The following RGL1 variants were observed in gnomAD, a reference collection of about 807,000 sequenced individuals.
RGL1 encodes ral guanine nucleotide dissociation stimulator-like 1.
Under a neutral mutation model 95.2 loss-of-function variants are expected in RGL1, and 24 were observed. The observed-to-expected ratio is 0.25, with a 90% CI of 0.18 to 0.35. The LOEUF is 0.35. RGL1 is among the 10% of genes least tolerant of loss of function. The pLI, the probability that RGL1 is intolerant of heterozygous loss-of-function variation, is 1.00. For synonymous variants in RGL1, 329 were observed against 344.9 expected, an observed-to-expected ratio of 0.95 and a Z score of 0.51; for missense variants, 715 against 936.3, an observed-to-expected ratio of 0.76 and a Z score of 3.08.
At chr1:183,909,655 T>C (rs754645668) in intron 14 of RGL1, among the ~76,000 whole-genome samples, 12 of 152,184 alleles carry the variant, frequency 7.9e-5, no homozygotes, top group Non-Finnish European at 1.8e-4. Context: ...AGCAAAAATA[T>C]GCTTGAGCTC....
At chr1:183,668,503 A>C (rs771769077) in intron 1 of RGL1, among the ~76,000 whole-genome samples, 3 of 151,934 alleles carry the variant, frequency 2.0e-5, no homozygotes, top group Non-Finnish European at 4.4e-5. Context: ...GTGTCTCCCT[A>C]TATTGCCCAG....
At chr1:183,703,845 G>T (rs1464911406) in intron 1 of RGL1, among the ~76,000 whole-genome samples, 2 of 152,164 alleles carry the variant, frequency 1.3e-5, no homozygotes, top group African/African-American at 4.8e-5. Context: ...AGATAGAGCA[G>T]GACTGGGTGA....
chr1:183,665,075 T>C (rs12023865), intron 1 of RGL1, among the ~76,000 whole-genome samples: 10,449 of 152,140 alleles, frequency 0.069, 622 homozygotes, highest in African/African-American at 0.16. Context: ...AGAGAGTTTT[T>C]GTATTTAAAA....
intron 2 of RGL1, among the ~76,000 whole-genome samples, chr1:183,779,217 T>A (rs926998442): frequency 2.3e-5 from 3 of 130,992 alleles, no homozygotes; most frequent in African/African-American, 8.9e-5. Flanking sequence ...CCTTCCTTCC[T>A]TCCTTCCTTC....
chr1:183,896,312 A>C (rs544559499), intron 9 of RGL1, among the ~76,000 whole-genome samples: 40 of 152,202 alleles, frequency 2.6e-4, no homozygotes, highest in Non-Finnish European at 4.6e-4. Context: ...CAGCCTTCTG[A>C]GTAGCTAGGA....
intron 1 of RGL1, among the ~76,000 whole-genome samples, chr1:183,706,790 C>G (rs1654942323): frequency 3.3e-5 from 5 of 152,216 alleles, no homozygotes; most frequent in Admixed American, 3.3e-4. Context: ...TTACTTTTCT[C>G]ATCACGATTG....
intron 1 of RGL1, among the ~76,000 whole-genome samples, chr1:183,639,642 A>C (rs558275826): frequency 2.4e-4 from 36 of 151,932 alleles, no homozygotes; most frequent in African/African-American, 8.5e-4. Flanking sequence ...TTACACATTA[A>C]AGTGGAATAG....
chr1:183,727,093 T>G lies in RGL1; in HGVS notation c.-32-15033T>G, dbSNP rs373915088. On this transcript the variant is annotated intron_variant, in intron 1 of 18. Coordinates refer to the RGL1 transcript ENST00000304685. ...TACAGAATAAAATTACTTATGAACA[T>G]GGACCAACAATCTTCAACAAAAGAT... 3.6e-4 allele frequency among the ~76,000 whole-genome samples: 55 copies of G among 152,276 alleles called. 2 individuals carry two copies. The South Asian group carries it at 0.011, about 31-fold the overall frequency.
chr1:183,800,867 T>C (rs185647870), upstream of RGL1, among the ~76,000 whole-genome samples: 3 of 152,336 alleles, frequency 2.0e-5, no homozygotes, highest in African/African-American at 7.2e-5. Context: ...TACCACATTT[T>C]CTTTATCCAT....
At chr1:183,923,339 C>G (rs1222571089) in intron 17 of RGL1, among the ~76,000 whole-genome samples, 3 of 152,166 alleles carry the variant, frequency 2.0e-5, no homozygotes, top group Non-Finnish European at 4.4e-5. Context: ...AAAGCTACAG[C>G]CTCTGGGAAA....
intron 1 of RGL1, among the ~76,000 whole-genome samples, chr1:183,661,114 C>T (rs1572239502): frequency 6.6e-6 from 1 of 151,878 alleles, no homozygotes; most frequent in East Asian, 1.9e-4. Context: ...AGGAAAGATC[C>T]AAAATTGACA....
intron 3 of RGL1, among the ~76,000 whole-genome samples, chr1:183,863,399 G>C (rs983772783): frequency 6.6e-6 from 1 of 151,928 alleles, no homozygotes; most frequent in Non-Finnish European, 1.5e-5. Context: ...GAACTCCTGG[G>C]CTCAGGAGAT....
intron 2 of RGL1, among the ~76,000 whole-genome samples, chr1:183,812,052 C>T (rs935204140): frequency 6.6e-6 from 1 of 152,126 alleles, no homozygotes; most frequent in African/African-American, 2.4e-5. Flanking sequence ...TTCCTTTGCC[C>T]ATGGTATATG....
chr1:183,647,643 T>G (rs1299582016), intron 1 of RGL1: 1 of 1,543,578 alleles, frequency 6.5e-7, no homozygotes, highest in Admixed American at 2.0e-5. Flanking sequence ...AATAAGTCCC[T>G]TGGTAATTGG....
Position 183,707,606 on chromosome 1 carries a change from G to T in RGL1, c.-32-34520G>T, listed in dbSNP as rs554135527. 1.4e-4 allele frequency among the ~76,000 whole-genome samples: 21 copies of T among 152,032 alleles called. No individual in the cohort carries two copies. The South Asian group carries it at 4.6e-3, about 33-fold the overall frequency. ...GGGGTTGAGTTAACAGGCAGTGGAA[G>T]ATAGGGGCGTAAGGTGGCGGGATGA... On this transcript the variant is annotated intron_variant, in intron 1 of 18. Coordinates refer to the RGL1 transcript ENST00000304685.
chr1:183,802,819 A>T (rs1661071449), upstream of RGL1, among the ~76,000 whole-genome samples: 1 of 152,218 alleles, frequency 6.6e-6, no homozygotes, highest in Non-Finnish European at 1.5e-5. Context: ...AACATTCCTG[A>T]TCTTTTAACA....
chr1:183,832,310 G>A (rs1663317044), intron 2 of RGL1, among the ~76,000 whole-genome samples: 1 of 152,136 alleles, frequency 6.6e-6, no homozygotes, highest in African/African-American at 2.4e-5. Context: ...AAAGGGGTGA[G>A]CTTTTAGAGG....
chr1:183,925,555 A>G (rs1669567063), intron 17 of RGL1, among the ~76,000 whole-genome samples: 1 of 152,244 alleles, frequency 6.6e-6, no homozygotes, highest in Admixed American at 6.5e-5. Flanking sequence ...TTTTTTTAAA[A>G]AAATATACAT....
intron 3 of RGL1, among the ~76,000 whole-genome samples, chr1:183,852,315 C>T (rs928746847): frequency 5.3e-5 from 8 of 152,150 alleles, no homozygotes; most frequent in Non-Finnish European, 1.2e-4. Context: ...TTTGAATTCA[C>T]GTATAGCTAA....
Sources: gnomAD v4.1 joint callset for allele counts (sites outside exome capture counted in the v4.1 genomes callset) on GRCh38, gnomAD v4.1.1 for gene constraint, MANE v1.5 for transcripts, NCBI Gene and HGNC (gene_info 2026-07-23, HGNC 2026-07-21) for gene names.